CSGALNACT1: variants seen among roughly 807,000 people sequenced by gnomAD.
CSGALNACT1 encodes chondroitin sulfate N-acetylgalactosaminyltransferase 1.
A neutral mutation model predicts 51.0 loss-of-function variants in CSGALNACT1; 52 were observed. The observed-to-expected ratio is 1.02, with a 90% CI of 0.82 to 1.29. CSGALNACT1 has a LOEUF of 1.29. CSGALNACT1 is among the 50% of genes most tolerant of loss of function. The probability of loss-of-function intolerance (pLI) is 0.00; values close to 1 mark genes in which losing one functional copy is unlikely to be tolerated. For missense variants in CSGALNACT1, 935 were observed against 679.2 expected (o/e 1.38, Z -4.19); for synonymous variants, 341 against 254.4 (o/e 1.34, Z -3.24).
chr8:19,433,597 G>C (rs542443429), intron 6 of CSGALNACT1, among the ~76,000 whole-genome samples: 1 of 152,314 alleles, frequency 6.6e-6, no homozygotes, highest in East Asian at 1.9e-4. Context: ...CATTGGAAGA[G>C]CTCTGAGTCA....
At chr8:19,438,102 A>G (rs2060677128) in intron 6 of CSGALNACT1, among the ~76,000 whole-genome samples, 1 of 151,526 alleles carries the variant, frequency 6.6e-6, no homozygotes, top group Non-Finnish European at 1.5e-5. Context: ...ATGTGCTGGA[A>G]ATCTGCCATA....
chr8:19,660,720 T>G (rs2058678966), intron 1 of CSGALNACT1, among the ~76,000 whole-genome samples: 1 of 152,114 alleles, frequency 6.6e-6, no homozygotes. Flanking sequence ...TACCTCCCCA[T>G]GATCCCTGAT....
intron 3 of CSGALNACT1, among the ~76,000 whole-genome samples, chr8:19,541,246 A>ATTTTT (rs34749639): frequency 9.0e-6 from 1 of 111,296 alleles, no homozygotes; most frequent in Non-Finnish European, 1.8e-5. Context: ...AACTTGGCTA[A>ATTTTT]TTTTTTTTTT....
intron 1 of CSGALNACT1, among the ~76,000 whole-genome samples, chr8:19,710,170 A>G (rs2062416009): frequency 6.6e-6 from 1 of 152,222 alleles, no homozygotes; most frequent in Non-Finnish European, 1.5e-5. Context: ...GAGAAAAAGA[A>G]ACCCAAAAAG....
chr8:19,530,307 CACAT>C (rs1421456577), intron 3 of CSGALNACT1, among the ~76,000 whole-genome samples: 45 of 55,836 alleles, frequency 8.1e-4, no homozygotes, highest in African/African-American at 3.9e-3. Flanking sequence ...TGAATGTGTA[CACAT>C]ACACACACAC....
chr8:19,706,150 G>A (rs1354125927), intron 1 of CSGALNACT1, among the ~76,000 whole-genome samples: 2 of 152,116 alleles, frequency 1.3e-5, no homozygotes, highest in African/African-American at 2.4e-5. Flanking sequence ...ATGACAACGG[G>A]GGACAGCTGT....
chr8:19,709,835 T>C (rs942220331), intron 1 of CSGALNACT1, among the ~76,000 whole-genome samples: 1 of 152,008 alleles, frequency 6.6e-6, no homozygotes, highest in Non-Finnish European at 1.5e-5. Flanking sequence ...TCAGGTAAGA[T>C]TGTAAGTGGA....
At chr8:19,659,440 C>G (rs2058576409) in intron 1 of CSGALNACT1, among the ~76,000 whole-genome samples, 1 of 152,202 alleles carries the variant, frequency 6.6e-6, no homozygotes, top group Non-Finnish European at 1.5e-5. Flanking sequence ...AATTCAAACT[C>G]TTCTCCAAAG....
intron 2 of CSGALNACT1, among the ~76,000 whole-genome samples, chr8:19,593,110 T>G (rs1244169306): frequency 6.6e-6 from 1 of 152,236 alleles, no homozygotes; most frequent in Admixed American, 6.5e-5. Flanking sequence ...AGAAGCTAAC[T>G]GCTTCAGTAA....
At chr8:19,725,667 C>T (rs1291018082) in intron 1 of CSGALNACT1, among the ~76,000 whole-genome samples, 1 of 152,090 alleles carries the variant, frequency 6.6e-6, no homozygotes, top group Non-Finnish European at 1.5e-5. Context: ...TCGTGATCCA[C>T]ATGACTCAGC....
chr8:19,620,252 T>C (rs142145973), intron 1 of CSGALNACT1, among the ~76,000 whole-genome samples: 3 of 141,166 alleles, frequency 2.1e-5, no homozygotes, highest in Non-Finnish European at 4.5e-5. Flanking sequence ...GAGGCAGAGG[T>C]TGCAGTTAGC....
intron 3 of CSGALNACT1, among the ~76,000 whole-genome samples, chr8:19,546,437 G>T (rs866377293): frequency 3.8e-4 from 58 of 152,214 alleles, no homozygotes; most frequent in Middle Eastern, 3.4e-3. Context: ...TGTGGTCATG[G>T]ACCTCAATAG....
rs898119234 is a variant in CSGALNACT1, at chr8:19,413,342, G to A, written c.1228-4648C>T. ...TGCGGTCACATAGTGTGGCACTCGA[G>A]TTCTCACCCCTGCCACTTAGCCGCT... On this transcript the variant is annotated intron_variant, in intron 8 of 9. Coordinates refer to ENST00000454498, the Ensembl canonical transcript of CSGALNACT1. Among the ~76,000 whole-genome samples the A allele has an allele frequency of 1.1e-4, 17 of 152,226 alleles. No individual in the cohort carries two copies. The East Asian group carries it at 3.3e-3, about 30-fold the overall frequency.
chr8:19,478,536 T>G (rs1319896579), intron 4 of CSGALNACT1, among the ~76,000 whole-genome samples: 1 of 151,842 alleles, frequency 6.6e-6, no homozygotes, highest in African/African-American at 2.4e-5. Flanking sequence ...ACAGCCCAGG[T>G]TGCAAAGTAT....
chr8:19,458,691 T>C, intron 4 of CSGALNACT1, 49 bp from the exon 4 acceptor site: 1 of 1,563,654 alleles, frequency 6.4e-7, no homozygotes, highest in Non-Finnish European at 8.8e-7. Context: ...TAACCTTGGC[T>C]GCTGAGTGTT....
chr8:19,554,417 TC>T (rs1164659107), intron 3 of CSGALNACT1, among the ~76,000 whole-genome samples: 1 of 152,052 alleles, frequency 6.6e-6, no homozygotes, highest in Non-Finnish European at 1.5e-5. Flanking sequence ...AGGGCCAAGA[TC>T]CTCACCTTCT....
intron 3 of CSGALNACT1, among the ~76,000 whole-genome samples, chr8:19,561,161 T>C (rs1012782624): frequency 1.3e-5 from 2 of 152,170 alleles, no homozygotes; most frequent in Non-Finnish European, 2.9e-5. Flanking sequence ...ACTAGGTGTC[T>C]GTGGGAGAGG....
intron 3 of CSGALNACT1, among the ~76,000 whole-genome samples, chr8:19,546,491 G>T (rs1336804782): frequency 6.6e-6 from 1 of 152,102 alleles, no homozygotes; most frequent in African/African-American, 2.4e-5. Flanking sequence ...ATGAAATAGG[G>T]AAGTATCACT....
At chr8:19,651,636 TACC>T (rs770091295) in intron 1 of CSGALNACT1, among the ~76,000 whole-genome samples, 4 of 121,096 alleles carry the variant, frequency 3.3e-5, no homozygotes, top group Non-Finnish European at 7.7e-5. Context: ...GGTATGTATG[TACC>T]ACATTTTCTT....
Sources: allele counts gnomAD v4.1 joint callset (sites outside exome capture counted in the v4.1 genomes callset), GRCh38; gene constraint gnomAD v4.1.1; transcripts MANE v1.5; gene names NCBI Gene and HGNC (gene_info 2026-07-23, HGNC 2026-07-21).